Variants in FARP1 observed in about 807,000 individuals in gnomAD.
FARP1 encodes the protein FERM, ARH/RhoGEF and pleckstrin domain protein 1, also known as FERM, ARHGEF and pleckstrin domain-containing protein 1.
Under a neutral mutation model 128.8 loss-of-function variants are expected in FARP1, and 52 were observed. The ratio of observed to expected loss-of-function variants is 0.40; its 90% CI spans 0.32 to 0.51. The LOEUF is 0.51. FARP1 is among the 20% of genes least tolerant of loss of function. The pLI is 0.45. For missense variants in FARP1, 1,333 were observed against 1,367.9 expected, an observed-to-expected ratio of 0.97 and a Z score of 0.40; for synonymous variants, 580 against 551.8, an observed-to-expected ratio of 1.05 and a Z score of -0.72.
At chr13:98,369,500 T>A (rs913992822) in intron 5 of FARP1, among the ~76,000 whole-genome samples, 1 of 152,030 alleles carries the variant, frequency 6.6e-6, no homozygotes, top group Non-Finnish European at 1.5e-5. Flanking sequence ...TATCTCCTAA[T>A]GCTATCCCTC....
chr13:98,309,001 A>T (rs564966299), intron 2 of FARP1, among the ~76,000 whole-genome samples: 2 of 151,600 alleles, frequency 1.3e-5, no homozygotes, highest in South Asian at 4.2e-4. Flanking sequence ...ATTTTATATT[A>T]TAAAATATTA....
intron 13 of FARP1, chr13:98,406,004 T>A (rs1890957077): frequency 6.6e-6 from 1 of 152,198 alleles, no homozygotes; most frequent in South Asian, 2.1e-4. Context: ...TTTGTTTGCT[T>A]TTTTGTAAAA....
In FARP1 at chr13:98,410,824, G is replaced by A; in HGVS notation, c.1692+1G>A. ...GAAGGATCTCGAAGTTATCACTTCG[G>A]TATGTGCAGTATTTCCCCAAAAGCA... On this transcript the variant is annotated splice_donor_variant, in intron 15 of 26. Coordinates refer to ENST00000319562, the MANE Select transcript of FARP1 (RefSeq NM_005766.4). LOFTEE classifies it high-confidence loss of function. 6.8e-7 allele frequency: 1 copy of A among 1,470,758 alleles called. No homozygotes were observed. The highest frequency in any genetic ancestry group is 9.5e-7 in the Non-Finnish European group (1 of 1,054,730). The allele number at this position is 1,470,758 out of a possible 1,614,324, so 91.1% of individuals were successfully genotyped here.
intron 2 of FARP1, among the ~76,000 whole-genome samples, chr13:98,325,217 T>C (rs1202528542): frequency 2.0e-5 from 3 of 152,066 alleles, no homozygotes; most frequent in African/African-American, 7.2e-5. Context: ...TTCAACAGCC[T>C]ATCTTTCCAT....
chr13:98,221,758 C>A (rs1429687819), intron 2 of FARP1, among the ~76,000 whole-genome samples: 1 of 152,094 alleles, frequency 6.6e-6, no homozygotes, highest in Non-Finnish European at 1.5e-5. Context: ...TGTCCCTCTA[C>A]CATGGACTGG....
At chr13:98,324,396 G>T (rs1887141271) in intron 2 of FARP1, among the ~76,000 whole-genome samples, 2 of 152,142 alleles carry the variant, frequency 1.3e-5, no homozygotes, top group African/African-American at 4.8e-5. Flanking sequence ...TTTGTATTGG[G>T]TAACCTTGGC....
intron 2 of FARP1, among the ~76,000 whole-genome samples, chr13:98,309,961 C>G (rs1190966704): frequency 1.3e-5 from 2 of 152,194 alleles, no homozygotes; most frequent in Non-Finnish European, 2.9e-5. Flanking sequence ...GGATACTGTC[C>G]TCTCTCCGAC....
intron 1 of FARP1, among the ~76,000 whole-genome samples, chr13:98,188,886 A>G (rs1363683391): frequency 2.0e-5 from 3 of 152,268 alleles, no homozygotes; most frequent in African/African-American, 4.8e-5. Flanking sequence ...ATTGATACCA[A>G]TTGACCTTAT....
intron 2 of FARP1, among the ~76,000 whole-genome samples, chr13:98,295,412 T>C (rs1885643222): frequency 6.6e-6 from 1 of 152,184 alleles, no homozygotes; most frequent in African/African-American, 2.4e-5. Flanking sequence ...GGTTTGCTAT[T>C]CTTGCTCCGT....
At chr13:98,227,452 A>G (rs1594294578) in intron 2 of FARP1, among the ~76,000 whole-genome samples, 1 of 64,782 alleles carries the variant, frequency 1.5e-5, no homozygotes, top group Admixed American at 1.4e-4. Context: ...GGCTACTATT[A>G]AAAAAAAAAA....
rs1162982957 is a variant in FARP1 at position 98,437,784 on chromosome 13, A to C, written c.2275-1020A>C. 2.5e-6 allele frequency: 4 copies of C among 1,577,876 alleles called. No individual in the cohort carries two copies. In the Admixed American group the frequency reaches 6.7e-5, roughly 26 times the overall value. On this transcript the variant is annotated intron_variant, in intron 19 of 26. Transcript: ENST00000319562. ...CCACCAGCCTGGCTCCTTTTCCCTT[A>C]TTAGGACTCCACACTTAGGACAAGC...
intron 1 of FARP1, among the ~76,000 whole-genome samples, chr13:98,174,672 ACTTGAACTGT>A (rs1358128887): frequency 6.6e-6 from 1 of 152,210 alleles, no homozygotes; most frequent in Admixed American, 6.5e-5. Context: ...TTTATGGGGC[ACTTGAACTGT>A]CTGCCTTGTC....
At chr13:98,160,169 T>G (rs1254065371) in intron 1 of FARP1, among the ~76,000 whole-genome samples, 1 of 152,212 alleles carries the variant, frequency 6.6e-6, no homozygotes, top group Non-Finnish European at 1.5e-5. Flanking sequence ...AAACCATGTC[T>G]TTGGAGCTTG....
chr13:98,183,328 T>A (rs1878652490), intron 1 of FARP1, among the ~76,000 whole-genome samples: 1 of 152,212 alleles, frequency 6.6e-6, no homozygotes, highest in Non-Finnish European at 1.5e-5. Context: ...CCATTTAAAA[T>A]CTCTTAGATT....
intron 9 of FARP1, among the ~76,000 whole-genome samples, chr13:98,388,766 C>G (rs149674450): frequency 6.6e-5 from 10 of 152,344 alleles, no homozygotes; most frequent in African/African-American, 2.2e-4. Context: ...TCCTGATAAA[C>G]AACCTGAGCT....
chr13:98,321,707 A>G (rs554415518), intron 2 of FARP1, among the ~76,000 whole-genome samples: 2 of 152,352 alleles, frequency 1.3e-5, no homozygotes, highest in African/African-American at 4.8e-5. Flanking sequence ...TTGGCCTCAT[A>G]TGACTTTTGT....
chr13:98,450,883 T>G lies in FARP1; in HGVS notation c.*2566T>G, dbSNP rs1893157606. The G allele has an allele frequency of 1.3e-5, 2 of 152,098 alleles. No individual in the cohort carries two copies. Among genetic ancestry groups the G allele is most frequent in the South Asian group, 4.1e-4 (2 of 4,824 alleles). The allele number at this position is 152,098 out of a possible 1,614,324, so 9.4% of individuals were successfully genotyped here. A position where few individuals can be genotyped will look rare whatever the true frequency, so the allele number is the denominator to read the frequency against. On this transcript the variant is annotated 3_prime_UTR_variant, in exon 27 of 27. Coordinates refer to ENST00000319562, the MANE Select transcript of FARP1 (RefSeq NM_005766.4). ...GCTGATTTTGTGCGTCTACAGAAAGTAACAGCCCAGGAGAGAATGTACACA... is the reference window on the plus strand; with the variant it reads ...GCTGATTTTGTGCGTCTACAGAAAGGAACAGCCCAGGAGAGAATGTACACA...
At chr13:98,253,780 A>G (rs981866636) in intron 2 of FARP1, among the ~76,000 whole-genome samples, 14 of 152,236 alleles carry the variant, frequency 9.2e-5, no homozygotes, top group African/African-American at 3.4e-4. Context: ...TTCATAGCAA[A>G]CATTTCATGG....
At chr13:98,215,388 T>G (rs1880998232) in intron 2 of FARP1, among the ~76,000 whole-genome samples, 1 of 152,198 alleles carries the variant, frequency 6.6e-6, no homozygotes, top group South Asian at 2.1e-4. Flanking sequence ...CAGACCACTT[T>G]ACTCATATAC....
Sources: gnomAD v4.1 joint callset for allele counts (sites outside exome capture counted in the v4.1 genomes callset) on GRCh38, gnomAD v4.1.1 for gene constraint, MANE v1.5 for transcripts, NCBI Gene and HGNC (gene_info 2026-07-23, HGNC 2026-07-21) for gene names.